The following NFIA variants were observed in gnomAD, a reference collection of about 807,000 sequenced individuals.
NFIA encodes the protein nuclear factor 1 A-type.
A neutral mutation model predicts 62.8 loss-of-function variants in NFIA; 8 were observed. The observed-to-expected ratio is 0.13, with a 90% CI of 0.07 to 0.23. The LOEUF is 0.23. Among genes scored for constraint, NFIA ranks in the 10% least tolerant of loss-of-function variants. NFIA has a pLI of 1.00. For synonymous variants in NFIA, 235 were observed against 238.1 expected (o/e 0.99, Z 0.12); for missense variants, 410 against 642.1 (o/e 0.64, Z 3.91).
intron 2 of NFIA, among the ~76,000 whole-genome samples, chr1:61,141,706 A>G (rs1647546920): frequency 1.3e-5 from 2 of 152,154 alleles, no homozygotes; most frequent in Admixed American, 1.3e-4. Context: ...CTATTTCCTG[A>G]TCTACTTGTC....
At chr1:61,173,590 A>G (rs1474791359) in intron 2 of NFIA, among the ~76,000 whole-genome samples, 1 of 152,050 alleles carries the variant, frequency 6.6e-6, no homozygotes, top group Non-Finnish European at 1.5e-5. Context: ...AGGTTTCACC[A>G]TGTTGGCCAG....
intron 7 of NFIA, among the ~76,000 whole-genome samples, chr1:61,394,878 G>T (rs1352305336): frequency 6.6e-6 from 1 of 152,156 alleles, no homozygotes; most frequent in African/African-American, 2.4e-5. Flanking sequence ...GGAGACCAAG[G>T]CAGGCGGATC....
chr1:61,338,834 T>G (rs1377984549), intron 4 of NFIA, among the ~76,000 whole-genome samples: 3 of 152,228 alleles, frequency 2.0e-5, no homozygotes, highest in Non-Finnish European at 2.9e-5. Flanking sequence ...TTTAAAACTT[T>G]CTTTCTAAAC....
intron 2 of NFIA, among the ~76,000 whole-genome samples, chr1:61,246,179 C>T (rs1176949446): frequency 1.3e-5 from 2 of 152,006 alleles, no homozygotes; most frequent in Non-Finnish European, 2.9e-5. Flanking sequence ...TATAGTTATC[C>T]TGTTGTGAAG....
In NFIA at chr1:61,387,998, A is replaced by G. The variant is rs143816163; in HGVS notation, c.1075+4633A>G. ...TGTTGTTCTAACCACTTCCCTATTT[A>G]TAGTGTAAAGGTAGAGACATGTGGT... On this transcript the variant is annotated intron_variant, in intron 7 of 10. Coordinates refer to ENST00000403491, the MANE Select transcript of NFIA (RefSeq NM_001134673.4). Among the ~76,000 whole-genome samples the G allele has an allele frequency of 1.7e-3, 256 of 152,244 alleles. 2 individuals carry two copies. Among genetic ancestry groups the G allele is most frequent in the South Asian group, 7.3e-3 (35 of 4,820 alleles).
intron 10 of NFIA, among the ~76,000 whole-genome samples, chr1:61,434,684 A>G (rs1667251183): frequency 6.6e-6 from 1 of 152,152 alleles, no homozygotes; most frequent in Admixed American, 6.5e-5. Context: ...AAACAAATTG[A>G]TGATTATTGT....
At chr1:61,317,595 AT>A (rs992497312) in intron 3 of NFIA, among the ~76,000 whole-genome samples, 2 of 152,134 alleles carry the variant, frequency 1.3e-5, no homozygotes, top group African/African-American at 4.8e-5. Flanking sequence ...ATTTTTAATA[AT>A]TTGTTACTAG....
At chr1:61,176,876 G>A (rs544463751) in intron 2 of NFIA, among the ~76,000 whole-genome samples, 87 of 152,152 alleles carry the variant, frequency 5.7e-4, no homozygotes, top group South Asian at 1.5e-3. Context: ...AGGCTGCGGC[G>A]GGCAGATCAC....
Position 61,459,501 on chromosome 1 carries a change from A to G in NFIA, c.*4181A>G, listed in dbSNP as rs1365812361. On this transcript the variant is annotated 3_prime_UTR_variant, in exon 11 of 11. Coordinates refer to ENST00000403491, the MANE Select transcript of NFIA (RefSeq NM_001134673.4). The stretch of plus-strand genomic sequence containing the variant: ...ATGTTCTGTGTCTTCACACCCTGGC[A>G]TGACAGTTACGTGTGGTCAGCCCGC... 6.6e-6 allele frequency: 1 copy of G among 152,280 alleles called. No individual in the cohort carries two copies. The highest frequency in any genetic ancestry group is 1.9e-4 in the East Asian group (1 of 5,196). 9.4% of individuals were successfully genotyped at this position (152,280 alleles called of 1,614,324 possible). A position where few individuals can be genotyped will look rare whatever the true frequency, so the allele number is the denominator to read the frequency against.
intron 10 of NFIA, among the ~76,000 whole-genome samples, chr1:61,435,297 C>T (rs1051573074): frequency 1.3e-5 from 2 of 152,136 alleles, no homozygotes; most frequent in Admixed American, 1.3e-4. Context: ...GAAATGAAGG[C>T]AATAATAGTA....
At chr1:61,093,389 T>G (rs190900439) in intron 2 of NFIA, among the ~76,000 whole-genome samples, 1 of 152,130 alleles carries the variant, frequency 6.6e-6, no homozygotes, top group Admixed American at 6.6e-5. Context: ...TAATATACAG[T>G]GATATTTAAA....
chr1:61,160,248 T>C (rs1441781408), intron 2 of NFIA, among the ~76,000 whole-genome samples: 3 of 152,146 alleles, frequency 2.0e-5, no homozygotes, highest in Non-Finnish European at 4.4e-5. Flanking sequence ...TCTTAAAGGG[T>C]AGTTGCAAGA....
intron 2 of NFIA, among the ~76,000 whole-genome samples, chr1:61,183,157 G>A (rs1342647387): frequency 6.6e-6 from 1 of 152,042 alleles, no homozygotes; most frequent in Non-Finnish European, 1.5e-5. Flanking sequence ...AAAATATTTT[G>A]TTGCAGCCAC....
chr1:61,406,523 T>C, intron 8 of NFIA, 39 bp from the exon 9 acceptor site: 2 of 1,552,646 alleles, frequency 1.3e-6, no homozygotes, highest in South Asian at 1.2e-5. Context: ...TTTCTTCTTT[T>C]TCTTGTACGT....
chr1:61,210,451 G>A (rs1429250663), intron 2 of NFIA, among the ~76,000 whole-genome samples: 1 of 152,154 alleles, frequency 6.6e-6, no homozygotes, highest in Non-Finnish European at 1.5e-5. Context: ...ATCACATATG[G>A]AGAAGGAGAC....
In NFIA at chr1:61,325,439, C is replaced by T. The variant is rs549526200; in HGVS notation, c.626-7073C>T. On this transcript the variant is annotated intron_variant, in intron 3 of 10. Coordinates refer to ENST00000403491, the MANE Select transcript of NFIA (RefSeq NM_001134673.4). ...CCATCATTTCTTAGGTTTCATTTCT[C>T]ATTGCTGTCTTCTTACAAAGTTCAT... 2.0e-5 allele frequency among the ~76,000 whole-genome samples: 3 copies of T among 152,318 alleles called. No homozygotes were observed. In the East Asian group the frequency reaches 5.8e-4, roughly 29 times the overall value.
At chr1:61,413,075 C>G (rs1225888172) in intron 9 of NFIA, among the ~76,000 whole-genome samples, 1 of 151,966 alleles carries the variant, frequency 6.6e-6, no homozygotes, top group Non-Finnish European at 1.5e-5. Flanking sequence ...CACAAAAACT[C>G]AATTTAAAAA....
At chr1:61,254,471 T>G (rs983762043) in intron 2 of NFIA, among the ~76,000 whole-genome samples, 1 of 152,170 alleles carries the variant, frequency 6.6e-6, no homozygotes, top group Non-Finnish European at 1.5e-5. Flanking sequence ...GGCACTGCCC[T>G]AGGTTTAAAG....
intron 3 of NFIA, among the ~76,000 whole-genome samples, chr1:61,314,075 T>C (rs906064495): frequency 6.6e-5 from 10 of 152,254 alleles, no homozygotes; most frequent in South Asian, 4.1e-4. Flanking sequence ...TTTATTGTTA[T>C]TGTTATTCTT....
Sources: gnomAD v4.1 joint callset for allele counts (sites outside exome capture counted in the v4.1 genomes callset) on GRCh38, gnomAD v4.1.1 for gene constraint, MANE v1.5 for transcripts, NCBI Gene and HGNC (gene_info 2026-07-23, HGNC 2026-07-21) for gene names.